Variants in OPRM1 observed in about 807,000 individuals in gnomAD.
The protein encoded by OPRM1 is mu-type opioid receptor.
In OPRM1, 27 loss-of-function variants were observed where a neutral mutation model predicts 31.8. That is an observed-to-expected ratio of 0.85 (90% confidence interval 0.63 to 1.17). The LOEUF (loss-of-function observed/expected upper bound fraction) is 1.17, where lower values mean the gene tolerates loss of function less well. OPRM1 is among the 50% of genes most tolerant of loss of function. The pLI is 0.00. For synonymous variants in OPRM1, 196 were observed against 189.9 expected (o/e 1.03, Z -0.26); for missense variants, 536 against 511.1 (o/e 1.05, Z -0.47).
intron 3 of OPRM1, among the ~76,000 whole-genome samples, chr6:154,100,119 A>T (rs1447730547): frequency 3.3e-5 from 2 of 61,112 alleles, no homozygotes; most frequent in African/African-American, 1.3e-4. Flanking sequence ...ATTATATATT[A>T]TCATATTATG....
chr6:154,155,992 G>A (rs1436366663), intron 3 of OPRM1: 1 of 152,108 alleles, frequency 6.6e-6, no homozygotes, highest in Admixed American at 6.5e-5. Context: ...AAGGTCAAAG[G>A]ACCAACCTCT....
At chr6:154,180,414 A>ATATATTTTTTT (rs1241250621) in intron 3 of OPRM1, among the ~76,000 whole-genome samples, 135 of 65,168 alleles carry the variant, frequency 2.1e-3, no homozygotes, top group African/African-American at 6.1e-3. Context: ...ATATATATAT[A>ATATATTTTTTT]TTTTTTTTTT....
chr6:154,096,831 A>T (rs1318157997), intron 3 of OPRM1, among the ~76,000 whole-genome samples: 1 of 152,232 alleles, frequency 6.6e-6, no homozygotes, highest in Non-Finnish European at 1.5e-5. Flanking sequence ...TCTCAGCCAG[A>T]TTCTCAACAT....
chr6:154,177,914 A>T (rs71567969), intron 3 of OPRM1, among the ~76,000 whole-genome samples: 8,613 of 152,290 alleles, frequency 0.057, 292 homozygotes, highest in African/African-American at 0.067. Flanking sequence ...AATAGACTAG[A>T]TAAAGACAAT....
At chr6:154,227,407 T>C (rs1465333739) in intron 3 of OPRM1, among the ~76,000 whole-genome samples, 1 of 151,962 alleles carries the variant, frequency 6.6e-6, no homozygotes, top group Non-Finnish European at 1.5e-5. Context: ...ACACTTTTAG[T>C]AATATTTTTA....
At chr6:154,059,198 T>C (rs996711283) in intron 1 of OPRM1, among the ~76,000 whole-genome samples, 1 of 152,202 alleles carries the variant, frequency 6.6e-6, no homozygotes, top group Admixed American at 6.5e-5. Flanking sequence ...TCCTTGCAAG[T>C]CAAACCCTGC....
intron 3 of OPRM1, among the ~76,000 whole-genome samples, chr6:154,239,977 C>T (rs1583881149): frequency 6.6e-6 from 1 of 152,198 alleles, no homozygotes; most frequent in Non-Finnish European, 1.5e-5. Flanking sequence ...GCTGGGACTA[C>T]AGGCGTGAGC....
At chr6:154,187,603 G>A (rs938194376) in intron 3 of OPRM1, among the ~76,000 whole-genome samples, 2 of 152,124 alleles carry the variant, frequency 1.3e-5, no homozygotes, top group South Asian at 2.1e-4. Context: ...CATGATTGTC[G>A]AAGGAGAGAA....
At position 154,100,099 on chromosome 6, in the gene OPRM1, T is replaced by TTA. The variant is rs1583542739; in HGVS notation, c.1164+8627_1164+8628insTA. Among the ~76,000 whole-genome samples, 21 of 61,466 alleles carry TTA rather than the reference T, an allele frequency of 3.4e-4. 7 individuals carry two copies. Among genetic ancestry groups the TTA allele is most frequent in the Non-Finnish European group, 4.9e-4 (16 of 32,606 alleles). The allele number at this position is 61,466 out of a possible 152,430, so 40.3% of individuals were successfully genotyped here. ...TATCATATTATATATTATCATATTA[T>TTA]GATATATATATTATATATTATCATA... is the stretch of plus-strand genomic sequence containing the variant. On this transcript the variant is annotated intron_variant, in intron 3 of 3. Coordinates refer to ENST00000330432, the MANE Select transcript of OPRM1 (RefSeq NM_000914.5).
chr6:154,158,422 CATT>C (rs1247551995), intron 3 of OPRM1: 3 of 152,188 alleles, frequency 2.0e-5, no homozygotes, highest in Non-Finnish European at 4.4e-5. Context: ...GAAAAGATGA[CATT>C]AGTTGTGTTG....
rs1175778241 is a variant in OPRM1 at position 154,109,790 on chromosome 6, C to CTGTGTGTG, written c.1165-8892_1165-8891insGTGTGTGT. ...TCCCTCTCTCTCTCTCTCTCTCTCT[C>CTGTGTGTG]TCTGTGTGTGTGTGTGTGTGTGTGT... On this transcript the variant is annotated intron_variant, in intron 3 of 3. Coordinates refer to ENST00000330432, the MANE Select transcript of OPRM1 (RefSeq NM_000914.5). 4.2e-3 allele frequency among the ~76,000 whole-genome samples: 326 copies of CTGTGTGTG among 77,002 alleles called. 1 individual carries two copies. Among genetic ancestry groups the CTGTGTGTG allele is most frequent in the African/African-American group, 0.013 (306 of 23,448 alleles). 50.5% of individuals were successfully genotyped at this position (77,002 alleles called of 152,430 possible).
At chr6:154,045,243 A>T (rs75033500) in intron 1 of OPRM1, among the ~76,000 whole-genome samples, 2 of 149,192 alleles carry the variant, frequency 1.3e-5, no homozygotes, top group African/African-American at 2.5e-5. Context: ...AAAATAAATT[A>T]AAAAAAAAAG....
At position 154,234,885 on chromosome 6, in the gene OPRM1, T is replaced by C. The variant is rs115641201; in HGVS notation, c.1165-11808T>C. Among the ~76,000 whole-genome samples the C allele has an allele frequency of 3.4e-3, 522 of 152,330 alleles. 3 individuals are homozygous for C. The highest frequency in any genetic ancestry group is 0.012 in the African/African-American group (498 of 41,572). On this transcript the variant is annotated intron_variant, in intron 3 of 3. Transcript: ENST00000337049. ...ATGGAAACCTCAAATTTAAAAGAAT[T>C]TTGTGTGATTGTCCTCTGCCGTGTA...
chr6:154,048,563 A>G (rs1228739345), intron 1 of OPRM1, among the ~76,000 whole-genome samples: 4 of 152,246 alleles, frequency 2.6e-5, no homozygotes, highest in East Asian at 1.9e-4. Context: ...TCCAACATTC[A>G]AAGTTGACCA....
intron 1 of OPRM1, among the ~76,000 whole-genome samples, chr6:154,077,984 A>T (rs1363087536): frequency 6.6e-6 from 1 of 152,044 alleles, no homozygotes; most frequent in Non-Finnish European, 1.5e-5. Context: ...TATTTCTGTT[A>T]CTCAGTCTCT....
chr6:154,086,473 C>A, intron 1 of OPRM1: 1 of 484,036 alleles, frequency 2.1e-6, no homozygotes, highest in Non-Finnish European at 2.7e-6. Context: ...CCATATACAA[C>A]ATGATGTTTT....
intron 3 of OPRM1, among the ~76,000 whole-genome samples, chr6:154,245,385 G>A (rs991252111): frequency 1.5e-4 from 23 of 152,190 alleles, no homozygotes; most frequent in African/African-American, 5.5e-4. Context: ...CAGAGCAGCA[G>A]AGAGGAGAGT....
intron 1 of OPRM1, among the ~76,000 whole-genome samples, chr6:154,030,907 C>T (rs1778973943): frequency 6.6e-6 from 1 of 150,434 alleles, no homozygotes; most frequent in Non-Finnish European, 1.5e-5. Context: ...AGTCACAGAA[C>T]AGATAAATAC....
At chr6:154,097,928 G>A (rs1793685628) in intron 3 of OPRM1, among the ~76,000 whole-genome samples, 1 of 152,146 alleles carries the variant, frequency 6.6e-6, no homozygotes, top group Non-Finnish European at 1.5e-5. Flanking sequence ...CAAGGTCATA[G>A]TTAAAATGTA....
Sources: allele counts gnomAD v4.1 joint callset (sites outside exome capture counted in the v4.1 genomes callset), GRCh38; gene constraint gnomAD v4.1.1; transcripts MANE v1.5; gene names NCBI Gene and HGNC (gene_info 2026-07-23, HGNC 2026-07-21).